FRMD3: variants seen among roughly 807,000 people sequenced by gnomAD.
FRMD3 encodes the protein FERM domain containing 3.
FRMD3 carries 33 observed loss-of-function variants against 70.2 expected under a neutral mutation model. The observed-to-expected ratio is 0.47, with a 90% CI of 0.36 to 0.63. FRMD3 has a LOEUF of 0.63. Ranked by LOEUF, FRMD3 falls within the 20% of genes least tolerant of loss-of-function variation. The probability of loss-of-function intolerance (pLI) is 0.00; values close to 1 mark genes in which losing one functional copy is unlikely to be tolerated. For synonymous variants in FRMD3, 279 were observed against 255.9 expected (o/e 1.09, Z -0.86); for missense variants, 632 against 711.4 (o/e 0.89, Z 1.27).
chr9:83,252,541 G>T (rs1587619434), intron 13 of FRMD3, among the ~76,000 whole-genome samples: 1 of 152,078 alleles, frequency 6.6e-6, no homozygotes, highest in South Asian at 2.1e-4. Context: ...ATGTAAATGG[G>T]CTAAATGCCC....
chr9:83,513,118 A>T (rs1226393510), intron 1 of FRMD3, among the ~76,000 whole-genome samples: 1 of 152,232 alleles, frequency 6.6e-6, no homozygotes, highest in African/African-American at 2.4e-5. Context: ...ACATTCATAG[A>T]GGCATTCAGA....
chr9:83,344,696 CT>C (rs1484761341), intron 4 of FRMD3, among the ~76,000 whole-genome samples: 1 of 152,184 alleles, frequency 6.6e-6, no homozygotes, highest in African/African-American at 2.4e-5. Context: ...ACACCACTGG[CT>C]TTCCTGGGTC....
chr9:83,362,279 C>A (rs1201147280), intron 3 of FRMD3, among the ~76,000 whole-genome samples: 1 of 151,770 alleles, frequency 6.6e-6, no homozygotes, highest in Non-Finnish European at 1.5e-5. Flanking sequence ...TAGATTAGCC[C>A]CAAGGGGGAT....
rs556969888 is a variant in FRMD3 at position 83,285,304 on chromosome 9, GAGTT to G, written c.1195+5295_1195+5298del. Reference sequence around the variant, plus strand: ...GATGGTGCTACAGGGTGGCTTGTGAGAGTTAGTTTTACCATTCTCTTAGTTTCCA... The same window carrying G: ...GATGGTGCTACAGGGTGGCTTGTGAGAGTTTTACCATTCTCTTAGTTTCCA... On this transcript the variant is annotated intron_variant, in intron 13 of 13. Coordinates refer to ENST00000304195, the MANE Select transcript of FRMD3 (RefSeq NM_174938.6). 4.2e-3 allele frequency among the ~76,000 whole-genome samples: 647 copies of G among 152,260 alleles called. 6 individuals are homozygous for G. The highest frequency in any genetic ancestry group is 0.015 in the African/African-American group (603 of 41,544).
chr9:83,332,172 TGATCGATAACTATAACATGCTAC>T (rs1823400604), intron 6 of FRMD3, among the ~76,000 whole-genome samples: 1 of 152,228 alleles, frequency 6.6e-6, no homozygotes, highest in South Asian at 2.1e-4. Flanking sequence ...GAAATAGAGA[TGATCGATAACTATAACATGCTAC>T]TATATTTGCA....
At chr9:83,440,650 G>T (rs558896273) in intron 1 of FRMD3, among the ~76,000 whole-genome samples, 3 of 152,286 alleles carry the variant, frequency 2.0e-5, no homozygotes, top group African/African-American at 7.2e-5. Flanking sequence ...GCTATCAAAG[G>T]CAGTGTAACA....
chr9:83,354,639 C>T (rs577854602), intron 3 of FRMD3, among the ~76,000 whole-genome samples: 150 of 152,108 alleles, frequency 9.9e-4, no homozygotes, highest in African/African-American at 3.4e-3. Flanking sequence ...GCATGTAAAC[C>T]CTGAATCTAA....
the FRMD3 span, among the ~76,000 whole-genome samples, chr9:83,579,807 C>T: frequency 1.2e-4 from 19 of 152,010 alleles, no homozygotes; most frequent in Non-Finnish European, 2.4e-4. Flanking sequence ...AACTAAAAAG[C>T]TTTGACACAG....
chr9:83,559,842 A>T, the FRMD3 span, among the ~76,000 whole-genome samples: 31 of 152,224 alleles, frequency 2.0e-4, no homozygotes, highest in South Asian at 6.4e-3. Context: ...GTTTCTCATT[A>T]AAAATTAAAA....
intron 6 of FRMD3, among the ~76,000 whole-genome samples, chr9:83,321,616 A>AT (rs147982958): frequency 0.029 from 4,340 of 152,124 alleles, 214 homozygotes; most frequent in African/African-American, 0.099. Flanking sequence ...TATCTTGGAG[A>AT]TTTTTTCCAT....
intron 1 of FRMD3, among the ~76,000 whole-genome samples, chr9:83,493,373 A>C (rs1828872464): frequency 6.6e-6 from 1 of 152,208 alleles, no homozygotes; most frequent in African/African-American, 2.4e-5. Flanking sequence ...ACAAGGCAGA[A>C]TCTCACTTGC....
At chr9:83,279,600 A>C (rs1023728345) in intron 13 of FRMD3, 3 of 152,340 alleles carry the variant, frequency 2.0e-5, no homozygotes, top group African/African-American at 4.8e-5. Flanking sequence ...CATATATACC[A>C]TGGAATACTA....
chr9:83,471,611 G>T (rs1352129722), intron 1 of FRMD3, among the ~76,000 whole-genome samples: 1 of 152,144 alleles, frequency 6.6e-6, no homozygotes, highest in South Asian at 2.1e-4. Flanking sequence ...GAAGAACAGG[G>T]ACTCATCCTC....
At chr9:83,507,755 C>A (rs1404915982) in intron 1 of FRMD3, among the ~76,000 whole-genome samples, 1 of 99,134 alleles carries the variant, frequency 1.0e-5, no homozygotes, top group African/African-American at 3.6e-5. Flanking sequence ...GGAATATTTC[C>A]TGAAGGACAT....
At chr9:83,449,948 C>CT (rs1006866892) in intron 1 of FRMD3, among the ~76,000 whole-genome samples, 1 of 152,220 alleles carries the variant, frequency 6.6e-6, no homozygotes. Flanking sequence ...AAGCACTTAA[C>CT]TGGGTGCATT....
Position 83,538,243 on chromosome 9 carries a change from G to A in FRMD3, c.-12C>T, listed in dbSNP as rs770215283. ...CAGGAGGCGAACATGCACCGCGGCCGTGGGGAGCGAGCGGGAGGCTCAGGG... is the reference window on the plus strand; with the variant it reads ...CAGGAGGCGAACATGCACCGCGGCCATGGGGAGCGAGCGGGAGGCTCAGGG... On this transcript the variant is annotated 5_prime_UTR_variant, in exon 1 of 14. It adds an upstream start codon to the 5' untranslated region. Transcript: ENST00000304195. This position sits in a 1 kb window ranked among gnomAD's most constrained non-coding sequence, Gnocchi z 4.7. 3.2e-6 allele frequency: 5 copies of A among 1,553,968 alleles called. No homozygotes were observed. The highest frequency in any genetic ancestry group is 1.2e-5 in the South Asian group (1 of 85,056).
the FRMD3 span, among the ~76,000 whole-genome samples, chr9:83,545,540 G>T: frequency 6.6e-6 from 1 of 151,862 alleles, no homozygotes; most frequent in Non-Finnish European, 1.5e-5. Flanking sequence ...TGTATTTTTA[G>T]TAGAGATGGG....
intron 1 of FRMD3, among the ~76,000 whole-genome samples, chr9:83,500,944 G>A (rs1014220400): frequency 6.6e-6 from 1 of 152,130 alleles, no homozygotes; most frequent in African/African-American, 2.4e-5. Flanking sequence ...GAAATTCCCT[G>A]CCTAGAAGGG....
intron 12 of FRMD3, chr9:83,297,519 T>A: frequency 3.4e-6 from 1 of 297,406 alleles, no homozygotes; most frequent in Non-Finnish European, 6.7e-6. Context: ...TGAGGTCATT[T>A]CCAGTTCAAA....
Sources: allele counts gnomAD v4.1 joint callset (sites outside exome capture counted in the v4.1 genomes callset), GRCh38; gene constraint gnomAD v4.1.1; non-coding constraint Gnocchi (gnomAD v3.1); transcripts MANE v1.5; gene names NCBI Gene and HGNC (gene_info 2026-07-23, HGNC 2026-07-21).